CACNG2: variants seen among roughly 807,000 people sequenced by gnomAD.
CACNG2 encodes the protein calcium voltage-gated channel auxiliary subunit gamma 2, also known as voltage-dependent calcium channel gamma-2 subunit.
In CACNG2, 3 loss-of-function variants were observed where a neutral mutation model predicts 25.9. That is an observed-to-expected ratio of 0.12 (90% confidence interval 0.05 to 0.30). CACNG2 has a LOEUF of 0.30. CACNG2 is among the 10% of genes least tolerant of loss of function. The pLI is 1.00. For missense variants in CACNG2, 341 were observed against 432.5 expected (o/e 0.79, Z 1.88); for synonymous variants, 167 against 173.3 (o/e 0.96, Z 0.29).
chr22:36,591,348 G>T (rs950987373), intron 1 of CACNG2, among the ~76,000 whole-genome samples: 2 of 152,128 alleles, frequency 1.3e-5, no homozygotes, highest in East Asian at 3.9e-4. Flanking sequence ...AGATATTAAA[G>T]CCTGTATGAT....
chr22:36,593,520 G>A (rs895123049), intron 1 of CACNG2, among the ~76,000 whole-genome samples: 6 of 152,192 alleles, frequency 3.9e-5, no homozygotes, highest in Non-Finnish European at 8.8e-5. Flanking sequence ...GACAGTGAGA[G>A]TTTGCAGGGG....
chr22:36,579,769 G>A (rs1427978954), intron 2 of CACNG2, among the ~76,000 whole-genome samples: 1 of 152,140 alleles, frequency 6.6e-6, no homozygotes, highest in African/African-American at 2.4e-5. Context: ...TTGCACTGGC[G>A]GTTCCCTCTG....
chr22:36,595,513 C>T (rs1456588947), intron 1 of CACNG2, among the ~76,000 whole-genome samples: 1 of 152,154 alleles, frequency 6.6e-6, no homozygotes, highest in Non-Finnish European at 1.5e-5. Context: ...GAAGGGTGAT[C>T]CTATGTGAGG....
intron 1 of CACNG2, among the ~76,000 whole-genome samples, chr22:36,652,927 C>A (rs367730522): frequency 1.6e-3 from 245 of 152,214 alleles, no homozygotes; most frequent in African/African-American, 5.8e-3. Context: ...GCAAAGTTGC[C>A]GTCAGAAGAC....
chr22:36,571,322 C>T (rs896629832), intron 2 of CACNG2, among the ~76,000 whole-genome samples: 6 of 151,842 alleles, frequency 4.0e-5, no homozygotes, highest in African/African-American at 9.7e-5. Flanking sequence ...CCGGGCGTGA[C>T]GGTAAGTGCC....
chr22:36,598,849 C>T (rs991932760), intron 1 of CACNG2, among the ~76,000 whole-genome samples: 27 of 148,942 alleles, frequency 1.8e-4, no homozygotes, highest in Non-Finnish European at 1.8e-4. Context: ...TGTGGTGGCA[C>T]GCGCCTGTAG....
chr22:36,620,004 C>T (rs890541914), intron 1 of CACNG2, among the ~76,000 whole-genome samples: 3 of 152,214 alleles, frequency 2.0e-5, no homozygotes, highest in Admixed American at 1.3e-4. Flanking sequence ...GGTTGGAAGG[C>T]GCCTCTGCAG....
chr22:36,601,406 T>G (rs763513346), intron 1 of CACNG2, among the ~76,000 whole-genome samples: 2 of 152,264 alleles, frequency 1.3e-5, no homozygotes, highest in South Asian at 2.1e-4. Flanking sequence ...CTTTATTCAT[T>G]CATCCATTGA....
chr22:36,594,658 C>A (rs1935645189), intron 1 of CACNG2, among the ~76,000 whole-genome samples: 1 of 152,000 alleles, frequency 6.6e-6, no homozygotes, highest in African/African-American at 2.4e-5. Context: ...CCTGATGAAG[C>A]AGGGAGGGGT....
chr22:36,623,611 G>A (rs1245232200), intron 1 of CACNG2, among the ~76,000 whole-genome samples: 1 of 152,148 alleles, frequency 6.6e-6, no homozygotes, highest in Admixed American at 6.6e-5. Context: ...GACTTCGTTA[G>A]CTGGTAATTG....
At chr22:36,588,585 T>C (rs1935540741) in intron 1 of CACNG2, among the ~76,000 whole-genome samples, 1 of 152,226 alleles carries the variant, frequency 6.6e-6, no homozygotes, top group Non-Finnish European at 1.5e-5. Flanking sequence ...ATTGGGTGTA[T>C]GCTGGGGCGT....
chr22:36,673,744 G>A (rs1936985294), intron 1 of CACNG2, among the ~76,000 whole-genome samples: 1 of 152,158 alleles, frequency 6.6e-6, no homozygotes, highest in Non-Finnish European at 1.5e-5. Context: ...TTCCTGCCTT[G>A]ATATGAGGCC....
At chr22:36,679,798 G>A (rs1458709569) in intron 1 of CACNG2, among the ~76,000 whole-genome samples, 1 of 152,250 alleles carries the variant, frequency 6.6e-6, no homozygotes. Flanking sequence ...AATAGTTGTT[G>A]TTTTGAAAAA....
chr22:36,671,437 G>A (rs1045469527), intron 1 of CACNG2, among the ~76,000 whole-genome samples: 46 of 152,000 alleles, frequency 3.0e-4, no homozygotes, highest in African/African-American at 1.1e-3. Context: ...ATCCCCTTTC[G>A]TGAGGCCTAT....
intron 1 of CACNG2, among the ~76,000 whole-genome samples, chr22:36,603,176 T>G (rs1935779182): frequency 6.6e-6 from 1 of 152,234 alleles, no homozygotes; most frequent in South Asian, 2.1e-4. Context: ...GGAGAAACTT[T>G]GAGCAGTCTG....
chr22:36,605,321 C>T (rs1183092644), intron 1 of CACNG2, among the ~76,000 whole-genome samples: 1 of 152,080 alleles, frequency 6.6e-6, no homozygotes, highest in Admixed American at 6.6e-5. Context: ...GTGATTCACC[C>T]ACCTTGGCCT....
At chr22:36,698,857 T>G (rs537255517) in intron 1 of CACNG2, among the ~76,000 whole-genome samples, 2 of 152,210 alleles carry the variant, frequency 1.3e-5, no homozygotes, top group South Asian at 4.2e-4. Flanking sequence ...TGGAAATCCT[T>G]TGGGGGAGCC....
chr22:36,702,810 G>T lies in CACNG2; in HGVS notation c.-234C>A. The T allele has an allele frequency of 2.7e-6, 1 of 368,060 alleles. No individual in the cohort carries two copies. Among genetic ancestry groups the T allele is most frequent in the Non-Finnish European group, 4.8e-6 (1 of 207,022 alleles). 22.8% of individuals were successfully genotyped at this position (368,060 alleles called of 1,614,324 possible). A position where few individuals can be genotyped will look rare whatever the true frequency, so the allele number is the denominator to read the frequency against. ...ACACGGGAAGAGGCTTGCCTTTTGA[G>T]ATCAGAAACTGTTCCAGTTGCAGTG... On this transcript the variant is annotated 5_prime_UTR_variant, in exon 1 of 4. Transcript: ENST00000300105.
chr22:36,685,627 G>A (rs111327688), intron 1 of CACNG2, among the ~76,000 whole-genome samples: 4 of 152,240 alleles, frequency 2.6e-5, no homozygotes, highest in South Asian at 2.1e-4. Flanking sequence ...TTCTCAAGCC[G>A]AGGACAGGCC....
Sources: allele counts gnomAD v4.1 joint callset (sites outside exome capture counted in the v4.1 genomes callset), GRCh38; gene constraint gnomAD v4.1.1; transcripts MANE v1.5; gene names NCBI Gene and HGNC (gene_info 2026-07-23, HGNC 2026-07-21).